Variants in CEP250 observed in about 807,000 individuals in gnomAD.
CEP250 encodes the protein centrosome-associated protein CEP250.
A neutral mutation model predicts 315.7 loss-of-function variants in CEP250; 242 were observed. The observed-to-expected ratio is 0.77, with a 90% confidence interval of 0.69 to 0.85. The LOEUF (loss-of-function observed/expected upper bound fraction) is 0.85, where lower values mean the gene tolerates loss of function less well. CEP250 is among the 40% of genes least tolerant of loss of function. The pLI is 0.00. For synonymous variants in CEP250, 1,088 were observed against 1,175.0 expected, an observed-to-expected ratio of 0.93 and a Z score of 1.51; for missense variants, 2,515 against 2,886.4, an observed-to-expected ratio of 0.87 and a Z score of 2.95.
chr20:35,467,179 G>GGGGGGGGGGGGGCCCCCCCC, intron 8 of CEP250, 107 bp downstream of exon 8: 1 of 534,772 alleles, frequency 1.9e-6, no homozygotes, highest in Non-Finnish European at 3.5e-6. Context: ...GGTGGGTGGG[G>GGGGGGGGGGGGGCCCCCCCC]GAGTTGGTAG....
intron 2 of CEP250, among the ~76,000 whole-genome samples, chr20:35,459,030 A>G (rs2062696731): frequency 8.7e-6 from 1 of 114,952 alleles, no homozygotes; most frequent in Non-Finnish European, 1.6e-5. Flanking sequence ...CAGGCTGGAC[A>G]GTGTTGGCCA....
chr20:35,469,948 A>C lies in CEP250; in HGVS notation c.910A>C (p.Lys304Gln). The part of the protein sequence containing the change: ...QSQKQNEDYE[K>Q]MIKALRETVE... ...TCAGAAGCAAAATGAAGATTATGAA[A>C]AGATGATAAAGGCTCTGAGAGAGAC... is the stretch of plus-strand genomic sequence containing the variant. The change falls in exon 10 of 35, where the codon AAG (lysine) becomes CAG (glutamine). Residue 304 changes from lysine (K) to glutamine (Q), a missense_variant. Coordinates refer to ENST00000397527, the MANE Select transcript of CEP250 (RefSeq NM_007186.6). 6.2e-7 allele frequency: 1 copy of C among 1,613,946 alleles called. No individual in the cohort carries two copies. The highest frequency in any genetic ancestry group is 8.5e-7 in the Non-Finnish European group (1 of 1,179,860).
At chr20:35,500,800 G>A (rs866433792) in intron 28 of CEP250, among the ~76,000 whole-genome samples, 19 of 152,154 alleles carry the variant, frequency 1.2e-4, no homozygotes, top group African/African-American at 4.3e-4. Flanking sequence ...TTTCAGCTTT[G>A]CTTGGCCTTT....
At chr20:35,492,016 T>C (rs371069063) in intron 22 of CEP250, among the ~76,000 whole-genome samples, 26 of 150,350 alleles carry the variant, frequency 1.7e-4, no homozygotes, top group African/African-American at 5.7e-4. Context: ...AGACACAAAG[T>C]AAATGAGATT....
At chr20:35,455,299 CCCG>C (rs1158743171), upstream of CEP250, 1 of 152,250 alleles carries the variant, frequency 6.6e-6, no homozygotes, top group East Asian at 1.9e-4. Flanking sequence ...GGCCCGGAGA[CCCG>C]CCCGTCTAGG....
chr20:35,499,121 A>G (rs768033158), intron 27 of CEP250, among the ~76,000 whole-genome samples: 11 of 152,136 alleles, frequency 7.2e-5, no homozygotes, highest in Non-Finnish European at 1.2e-4. Context: ...CTAAAAATAC[A>G]AAAATTAGCC....
rs143717851 is a variant in CEP250 at position 35,494,360 on chromosome 20, G to C, written c.3034-164G>C. 196 of 826,294 alleles carry C rather than the reference G, an allele frequency of 2.4e-4. No individual in the cohort carries two copies. The African/African-American group carries it at 3.0e-3, about 13-fold the overall frequency. The allele number at this position is 826,294 out of a possible 1,614,324, so 51.2% of individuals were successfully genotyped here. A position where few individuals can be genotyped will look rare whatever the true frequency, so the allele number is the denominator to read the frequency against. On this transcript the variant is annotated intron_variant, in intron 23 of 34. Transcript: ENST00000397527. ...ACCAGGCCGAATTGTATTGAGGAAG[G>C]GGGTGGTTAAGAACAGTGTGTAGGA...
rs1257771361 is a variant in CEP250, at chr20:35,502,753, T to C, written c.4384T>C (p.Ser1462Pro). Reference sequence around the variant, plus strand: ...GCAGAAGGCTGCTTTGGAATTGCTGTCTCTGGACCTGAAGAAGAGGAACCA... The same window carrying C: ...GCAGAAGGCTGCTTTGGAATTGCTGCCTCTGGACCTGAAGAAGAGGAACCA... ...EMQKAALELL[S>P]LDLKKRNQEV... Residue 1462 changes from serine to proline, a missense_variant, in exon 30 of 35, where the codon TCT becomes CCT. Physicochemically the swap from Ser to Pro is moderately conservative, Grantham distance 74. Transcript: ENST00000397527. The C allele has an allele frequency of 6.2e-7, 1 of 1,614,250 alleles. No individual in the cohort carries two copies.
chr20:35,492,792 A>C (rs2063733771), intron 22 of CEP250, among the ~76,000 whole-genome samples: 1 of 152,208 alleles, frequency 6.6e-6, no homozygotes, highest in African/African-American at 2.4e-5. Context: ...CGGTGGCACT[A>C]TCTCAGCTCA....
chr20:35,469,785 A>T, intron 9 of CEP250, 105 bp from the exon 10 acceptor site: 1 of 600,816 alleles, frequency 1.7e-6, no homozygotes, highest in Non-Finnish European at 2.8e-6. Flanking sequence ...GGGAGGCTGC[A>T]GTTGGGAGTG....
At chr20:35,486,840 T>A (rs79136684) in intron 20 of CEP250, among the ~76,000 whole-genome samples, 3,439 of 152,266 alleles carry the variant, frequency 0.023, 145 homozygotes, top group African/African-American at 0.078. Flanking sequence ...TTAAAAGTAT[T>A]TGTTGAATGA....
Position 35,512,875 on chromosome 20 carries a change from A to G in CEP250, c.*1249A>G, listed in dbSNP as rs2064388850. ...ATGCCCAACCAGAACAGTTTTCCTT[A>G]AAGAAGCAGGCCATTACCTTCCTCT... On this transcript the variant is annotated 3_prime_UTR_variant, in exon 35 of 35. Coordinates refer to ENST00000397527, the MANE Select transcript of CEP250 (RefSeq NM_007186.6). 1.3e-5 allele frequency: 2 copies of G among 152,342 alleles called. No individual in the cohort carries two copies. The highest frequency in any genetic ancestry group is 4.1e-4 in the South Asian group (2 of 4,820). 9.4% of individuals were successfully genotyped at this position (152,342 alleles called of 1,614,324 possible).
At position 35,473,563 on chromosome 20, in the gene CEP250, G is replaced by A. The variant is rs1281737847; in HGVS notation, c.1388+11G>A. 28 of 1,600,780 alleles carry A rather than the reference G, an allele frequency of 1.7e-5. No homozygotes were observed. Among genetic ancestry groups the A allele is most frequent in the South Asian group, 4.5e-5 (4 of 89,146 alleles). On this transcript the variant is annotated intron_variant, in intron 13 of 34. Coordinates refer to ENST00000397527, the MANE Select transcript of CEP250 (RefSeq NM_007186.6). ...GGACTCTCTCAGCAAGTGAGCAGAC[G>A]GGCTGTTCATCCCACCCTCCCAGCC...
rs778237025 is a variant in CEP250 at position 35,498,807 on chromosome 20, C to T, written c.3777+91C>T. The T allele has an allele frequency of 4.5e-5, 64 of 1,413,772 alleles. No individual in the cohort carries two copies. In the South Asian group the frequency reaches 8.8e-4, roughly 19 times the overall value. 87.6% of individuals were successfully genotyped at this position (1,413,772 alleles called of 1,614,324 possible). ...GTGAAGCAGTTTGACCTGTTTTATTCCTGAGATCAAGTTGGGATGAGTTTC... is the reference window on the plus strand; with the variant it reads ...GTGAAGCAGTTTGACCTGTTTTATTTCTGAGATCAAGTTGGGATGAGTTTC... On this transcript the variant is annotated intron_variant, in intron 27 of 34. Coordinates refer to ENST00000397527, the MANE Select transcript of CEP250 (RefSeq NM_007186.6).
At chr20:35,480,590 C>CTTT (rs559422487) in intron 20 of CEP250, among the ~76,000 whole-genome samples, 2 of 122,142 alleles carry the variant, frequency 1.6e-5, no homozygotes, top group African/African-American at 3.2e-5. Context: ...TTTTTTATAT[C>CTTT]TTTTTTTTTT....
chr20:35,493,357 CA>C, intron 22 of CEP250, 71 bp from the exon 23 acceptor site: 1 of 1,381,932 alleles, frequency 7.2e-7, no homozygotes, highest in East Asian at 2.7e-5. Context: ...CAGCTTTTGC[CA>C]CCCCACCAAA....
At chr20:35,455,180 C>G (rs1452993906), upstream of CEP250, 1 of 152,266 alleles carries the variant, frequency 6.6e-6, no homozygotes, top group Admixed American at 6.5e-5. Flanking sequence ...GCCTTAGCAG[C>G]GGCTGCCGCA....
chr20:35,480,301 C>T (rs1435428025), intron 20 of CEP250, among the ~76,000 whole-genome samples, 156 bp downstream of exon 20: 1 of 152,160 alleles, frequency 6.6e-6, no homozygotes, highest in Non-Finnish European at 1.5e-5. Context: ...ATGAAAAGCA[C>T]TAAGAGTAGT....
At position 35,480,619 on chromosome 20, in the gene CEP250, G is replaced by A. The variant is rs368315828; in HGVS notation, c.2586+474G>A. ...TTTTTTTTTTTTTTTCCTTGAGACA[G>A]TCTCACTCTGTCCCTCAGGCTGGAG... On this transcript the variant is annotated intron_variant, in intron 20 of 34. Coordinates refer to ENST00000397527, the MANE Select transcript of CEP250 (RefSeq NM_007186.6). Among the ~76,000 whole-genome samples, 13 of 128,056 alleles carry A rather than the reference G, an allele frequency of 1.0e-4. No homozygotes were observed. The East Asian group carries it at 3.0e-3, about 30-fold the overall frequency. 84.0% of individuals were successfully genotyped at this position (128,056 alleles called of 152,430 possible).
Sources: allele counts gnomAD v4.1 joint callset (sites outside exome capture counted in the v4.1 genomes callset), GRCh38; gene constraint gnomAD v4.1.1; transcripts MANE v1.5; gene names NCBI Gene and HGNC (gene_info 2026-07-23, HGNC 2026-07-21).